The following SNX30 variants were observed in gnomAD, a reference collection of about 807,000 sequenced individuals.
SNX30 encodes sorting nexin-30.
A neutral mutation model predicts 46.4 loss-of-function variants in SNX30; 24 were observed. That is an observed-to-expected ratio of 0.52 (90% CI 0.37 to 0.73). The LOEUF (loss-of-function observed/expected upper bound fraction) is 0.73. SNX30 is among the 30% of genes least tolerant of loss of function. SNX30 has a pLI of 0.00. For missense variants in SNX30, 533 were observed against 555.7 expected, an observed-to-expected ratio of 0.96 and a Z score of 0.41; for synonymous variants, 189 against 211.5, an observed-to-expected ratio of 0.89 and a Z score of 0.92.
At chr9:112,768,203 G>A (rs1839577071) in intron 1 of SNX30, among the ~76,000 whole-genome samples, 1 of 152,164 alleles carries the variant, frequency 6.6e-6, no homozygotes, top group Non-Finnish European at 1.5e-5. Flanking sequence ...TTACGTCTCT[G>A]CCAAGTGATT....
chr9:112,764,024 G>C (rs534861393), intron 1 of SNX30, among the ~76,000 whole-genome samples: 4 of 151,876 alleles, frequency 2.6e-5, no homozygotes, highest in African/African-American at 9.7e-5. Context: ...CCACCCTTTC[G>C]AGTCTCCTTT....
chr9:112,781,798 A>AAGC (rs1839850625), intron 1 of SNX30, among the ~76,000 whole-genome samples: 1 of 139,674 alleles, frequency 7.2e-6, no homozygotes, highest in Non-Finnish European at 1.6e-5. Context: ...CGCTTGGCTA[A>AAGC]TTTTTTTTTT....
chr9:112,815,806 A>C (rs765746531), intron 2 of SNX30, among the ~76,000 whole-genome samples: 1 of 152,218 alleles, frequency 6.6e-6, no homozygotes, highest in Non-Finnish European at 1.5e-5. Flanking sequence ...CATGGAGCCT[A>C]TCGGGGGGAG....
intron 6 of SNX30, among the ~76,000 whole-genome samples, chr9:112,841,396 C>A (rs1030437339): frequency 6.6e-6 from 1 of 152,082 alleles, no homozygotes; most frequent in Admixed American, 6.5e-5. Flanking sequence ...CTTTCTTTAC[C>A]CCCCATGTGT....
chr9:112,816,416 C>T (rs1444801021), intron 2 of SNX30, among the ~76,000 whole-genome samples: 4 of 152,192 alleles, frequency 2.6e-5, no homozygotes, highest in African/African-American at 9.7e-5. Context: ...TTGGGAAAAT[C>T]ATCTGATAAG....
chr9:112,883,045 A>G (rs1314676525), downstream of SNX30, among the ~76,000 whole-genome samples: 1 of 152,230 alleles, frequency 6.6e-6, no homozygotes, highest in Non-Finnish European at 1.5e-5. Context: ...AAGAAATCAT[A>G]TGAGATGAAG....
intron 7 of SNX30, among the ~76,000 whole-genome samples, chr9:112,863,289 G>C (rs1331061254): frequency 1.3e-5 from 2 of 152,180 alleles, no homozygotes; most frequent in Admixed American, 1.3e-4. Context: ...AACATAAAAG[G>C]CCTCACTTGT....
At position 112,865,267 on chromosome 9, in the gene SNX30, T is replaced by C. The variant is rs538317145; in HGVS notation, c.1254+868T>C. ...TACACACACCACACACACATAGAGA[T>C]GACTCTTATCAGGCTACAGCCCAGT... On this transcript the variant is annotated intron_variant, in intron 8 of 8. Transcript: ENST00000374232. Among the ~76,000 whole-genome samples, 157 of 151,424 alleles carry C rather than the reference T, an allele frequency of 1.0e-3. 1 individual carries two copies. Among genetic ancestry groups the C allele is most frequent in the African/African-American group, 3.4e-3 (139 of 41,248 alleles).
intron 3 of SNX30, among the ~76,000 whole-genome samples, chr9:112,826,511 G>A (rs1162546793): frequency 1.3e-5 from 2 of 152,168 alleles, no homozygotes; most frequent in Non-Finnish European, 2.9e-5. Context: ...AGAGCTGGAT[G>A]AACAGGAGAT....
intron 1 of SNX30, among the ~76,000 whole-genome samples, chr9:112,787,730 A>G (rs1053237969): frequency 1.3e-5 from 2 of 151,326 alleles, no homozygotes; most frequent in African/African-American, 2.4e-5. Context: ...CAAGGTGCCT[A>G]TGGGTTTCAG....
At chr9:112,750,209 C>T (rs935824307), upstream of SNX30, among the ~76,000 whole-genome samples, 1 of 152,238 alleles carries the variant, frequency 6.6e-6, no homozygotes, top group African/African-American at 2.4e-5. Context: ...AGAAGCAAGC[C>T]ACAATGGGGA....
intron 1 of SNX30, among the ~76,000 whole-genome samples, chr9:112,773,554 G>A (rs2131367217): frequency 6.6e-6 from 1 of 152,268 alleles, no homozygotes; most frequent in African/African-American, 2.4e-5. Flanking sequence ...AGGAATAGGT[G>A]CATCTTGAGG....
In SNX30 at chr9:112,868,963, T is replaced by C. The variant is rs142709062; in HGVS notation, c.*120T>C. ...AACAACCACAGAAACATCTCTCCTT[T>C]GTGTATTTTTCCCTCCCCCACCTTT... On this transcript the variant is annotated 3_prime_UTR_variant, in exon 9 of 9. Coordinates refer to ENST00000374232, the MANE Select transcript of SNX30 (RefSeq NM_001012994.2). 7,336 of 993,504 alleles carry C rather than the reference T, an allele frequency of 7.4e-3. 349 individuals carry two copies. In the Admixed American group the frequency reaches 0.088, roughly 12 times the overall value. The allele number at this position is 993,504 out of a possible 1,614,324, so 61.5% of individuals were successfully genotyped here. A position where few individuals can be genotyped will look rare whatever the true frequency, so the allele number is the denominator to read the frequency against.
rs1840424718 is a variant in SNX30, at chr9:112,817,783, C to G, written c.427C>G (p.Leu143Val). 1 of 1,613,616 alleles carries G rather than the reference C, an allele frequency of 6.2e-7. No individual in the cohort carries two copies. The highest frequency in any genetic ancestry group is 1.7e-5 in the Admixed American group (1 of 59,988). ...YQDFDWLRSK[L>V]EESQPTHLIP... is the part of the protein sequence containing the mutation. Reference sequence around the variant, plus strand: ...GGATTTTGACTGGTTGAGGAGCAAACTGGAAGAATCCCAGCCCACTCATCT... The same window carrying G: ...GGATTTTGACTGGTTGAGGAGCAAAGTGGAAGAATCCCAGCCCACTCATCT... The change falls in exon 3 of 9, where the codon CTG becomes GTG. Residue 143 changes from leucine to valine, a missense_variant. Leu to Val is a conservative substitution (Grantham distance 32). Coordinates refer to ENST00000374232, the MANE Select transcript of SNX30 (RefSeq NM_001012994.2).
Position 112,772,289 on chromosome 9 carries a change from G to T in SNX30, c.156+21132G>T, listed in dbSNP as rs7030437. Among the ~76,000 whole-genome samples, 805 of 152,234 alleles carry T rather than the reference G, an allele frequency of 5.3e-3. 12 individuals are homozygous for T. The highest frequency in any genetic ancestry group is 0.019 in the African/African-American group (773 of 41,544). On this transcript the variant is annotated intron_variant, in intron 1 of 8. Transcript: ENST00000374232. ...TGTTTCTGGGAGGTGGCTCTGTTGG[G>T]GATTAGACTGACACCTCTTTGTAAG...
chr9:112,846,562 G>T (rs920935687), intron 6 of SNX30, among the ~76,000 whole-genome samples: 1 of 152,214 alleles, frequency 6.6e-6, no homozygotes, highest in Non-Finnish European at 1.5e-5. Context: ...CTTCTAGAGG[G>T]CTACCCTAAG....
Position 112,816,859 on chromosome 9 carries a change from G to T in SNX30, c.349-846G>T, listed in dbSNP as rs947128937. On this transcript the variant is annotated intron_variant, in intron 2 of 8. Coordinates refer to ENST00000374232, the MANE Select transcript of SNX30 (RefSeq NM_001012994.2). ...GGAAAAATGGCTTATGTGAGACACG[G>T]TGTAATTTGTGCCAGTAAATGAGTA... Among the ~76,000 whole-genome samples the T allele has an allele frequency of 2.0e-5, 3 of 152,286 alleles. No individual in the cohort carries two copies. The East Asian group carries it at 5.8e-4, about 29-fold the overall frequency.
At chr9:112,783,301 T>C (rs867434246) in intron 1 of SNX30, among the ~76,000 whole-genome samples, 8 of 152,220 alleles carry the variant, frequency 5.3e-5, no homozygotes, top group African/African-American at 1.9e-4. Context: ...TTCTTGTCTT[T>C]TAACTTTCCT....
rs759380906 is a variant in SNX30 at position 112,768,641 on chromosome 9, T to TTTCTTCTTCTTC, written c.156+17492_156+17493insCTTCTTCTTCTT. On this transcript the variant is annotated intron_variant, in intron 1 of 8. Transcript: ENST00000374232. ...TTTGTAAAGTTTCTCTAGATAATTC[T>TTTCTTCTTCTTC]TTCTTCTTTTTTTTTTTTTTTTTTT... 9.0e-4 allele frequency among the ~76,000 whole-genome samples: 6 copies of TTTCTTCTTCTTC among 6,694 alleles called. 1 individual carries two copies. The highest frequency in any genetic ancestry group is 6.8e-3 in the African/African-American group (5 of 736). The allele number at this position is 6,694 out of a possible 152,430, so 4.4% of individuals were successfully genotyped here. A position where few individuals can be genotyped will look rare whatever the true frequency, so the allele number is the denominator to read the frequency against.
Sources: gnomAD v4.1 joint callset for allele counts (sites outside exome capture counted in the v4.1 genomes callset) on GRCh38, gnomAD v4.1.1 for gene constraint, MANE v1.5 for transcripts, NCBI Gene and HGNC (gene_info 2026-07-23, HGNC 2026-07-21) for gene names.